Variants in DST observed in about 807,000 individuals in gnomAD.
DST encodes dystonin.
Under a neutral mutation model 875.2 loss-of-function variants are expected in DST, and 253 were observed. That is an observed-to-expected ratio of 0.29 (90% confidence interval 0.26 to 0.32). The LOEUF is 0.32. Ranked by LOEUF, DST falls within the 10% of genes least tolerant of loss-of-function variation. The pLI, the probability that DST is intolerant of heterozygous loss-of-function variation, is 1.00. For synonymous variants in DST, 3,124 were observed against 3,197.1 expected (o/e 0.98, Z 0.77); for missense variants, 8,287 against 9,111.6 (o/e 0.91, Z 3.68).
At chr6:56,611,454 CT>C in intron 38 of DST, 53 bp downstream of exon 38, 6 of 1,298,694 alleles carry the variant, frequency 4.6e-6, no homozygotes, top group Non-Finnish European at 6.7e-6. Flanking sequence ...TTGCTGAAAG[CT>C]TTTAAGAATA....
intron 69 of DST, among the ~76,000 whole-genome samples, chr6:56,523,596 G>A (rs1202530315): frequency 6.6e-6 from 1 of 152,052 alleles, no homozygotes; most frequent in African/African-American, 2.4e-5. Flanking sequence ...ATTTCAAAAA[G>A]CAGGTTGACA....
intron 4 of DST, among the ~76,000 whole-genome samples, chr6:56,801,605 C>T (rs2099746981): frequency 6.6e-6 from 1 of 151,988 alleles, no homozygotes; most frequent in African/African-American, 2.4e-5. Context: ...ACATGGAGAA[C>T]CCAAAGACTC....
intron 2 of DST, among the ~76,000 whole-genome samples, chr6:56,940,191 T>TACACAC (rs59001581): frequency 4.4e-4 from 63 of 142,300 alleles, no homozygotes; most frequent in African/African-American, 5.2e-4. Context: ...ATTACCCCCA[T>TACACAC]ACACACACAC....
chr6:56,835,459 A>T (rs896743088), intron 4 of DST, among the ~76,000 whole-genome samples: 15 of 152,316 alleles, frequency 9.8e-5, no homozygotes, highest in African/African-American at 3.6e-4. Context: ...AAGAGGGAGT[A>T]TATGGGAACT....
chr6:56,466,126 C>T lies in DST; in HGVS notation c.22639G>A (p.Gly7547Arg). ...AAGAACTCATCAAGTGCCATCCATC[C>T]ACCTCCAACACGAACCATCACAGTA... Reference protein sequence around the residue: ...RSTVMVRVGGGWMALDEFLVK... With the variant: ...RSTVMVRVGGRWMALDEFLVK... Residue 7547 changes from glycine to arginine, a missense_variant, in exon 99 of 104, where the codon GGA becomes AGA. Around this residue, in one of 10 missense-constraint regions of DST, gnomAD observed 87 missense variants for 209.7 expected, o/e 0.41. Transcript: ENST00000680361. 1 of 1,613,386 alleles carries T rather than the reference C, an allele frequency of 6.2e-7. No individual in the cohort carries two copies. Among genetic ancestry groups the T allele is most frequent in the Non-Finnish European group, 8.5e-7 (1 of 1,179,690 alleles).
At chr6:56,834,300 G>A (rs2099790871) in intron 4 of DST, among the ~76,000 whole-genome samples, 1 of 151,992 alleles carries the variant, frequency 6.6e-6, no homozygotes, top group Non-Finnish European at 1.5e-5. Flanking sequence ...CAGATGACAA[G>A]CATATAAAAA....
chr6:56,754,756 T>C (rs1447313204), intron 4 of DST, among the ~76,000 whole-genome samples: 1 of 152,188 alleles, frequency 6.6e-6, no homozygotes, highest in Non-Finnish European at 1.5e-5. Flanking sequence ...AATGACTTCA[T>C]GGTTCCAAGA....
intron 36 of DST, chr6:56,616,345 A>T: frequency 6.2e-7 from 1 of 1,613,708 alleles, no homozygotes. Flanking sequence ...CCTTCCACTG[A>T]TATTGCTGCC....
intron 59 of DST, among the ~76,000 whole-genome samples, chr6:56,556,179 C>G (rs568969832): frequency 6.6e-6 from 1 of 152,252 alleles, no homozygotes; most frequent in South Asian, 2.1e-4. Context: ...TTTACCCACT[C>G]ATGTTTTTGT....
chr6:56,619,021 G>C lies in DST; in HGVS notation c.4930-4537C>G, dbSNP rs777611530. ...CTTTCTTGGTATTCTGGATGATAAT[G>C]TTCTGTTGGTCACACTTTTGCTTAA... On this transcript the variant is annotated intron_variant, in intron 36 of 103. Coordinates refer to ENST00000680361, the MANE Select transcript of DST (RefSeq NM_001374736.1). 5 of 1,613,920 alleles carry C rather than the reference G, an allele frequency of 3.1e-6. No individual in the cohort carries two copies. The South Asian group carries it at 5.5e-5, about 18-fold the overall frequency.
At chr6:56,942,941 G>A (rs1817451188) in intron 2 of DST, among the ~76,000 whole-genome samples, 1 of 151,928 alleles carries the variant, frequency 6.6e-6, no homozygotes, top group Admixed American at 6.6e-5. Flanking sequence ...GGCCGGTCTC[G>A]AATTCCTGAG....
intron 3 of DST, among the ~76,000 whole-genome samples, chr6:56,884,179 T>A (rs1161659646): frequency 6.6e-6 from 1 of 152,176 alleles, no homozygotes; most frequent in African/African-American, 2.4e-5. Flanking sequence ...TCTCTTTTTT[T>A]TATATTCGGT....
intron 50 of DST, among the ~76,000 whole-genome samples, chr6:56,574,986 A>T (rs1383992262): frequency 6.6e-6 from 1 of 152,176 alleles, no homozygotes. Context: ...CTAATGCTAC[A>T]ACATGAGAAA....
At chr6:56,516,092 A>ATATATATGTG (rs1389364008) in intron 71 of DST, among the ~76,000 whole-genome samples, 28 of 150,828 alleles carry the variant, frequency 1.9e-4, no homozygotes, top group East Asian at 1.5e-3. Flanking sequence ...ATATGTGTAT[A>ATATATATGTG]TATATGTGTG....
At position 56,603,012 on chromosome 6, in the gene DST, T is replaced by C. The variant is rs767935059; in HGVS notation, c.11177A>G (p.His3726Arg). 7 of 1,579,804 alleles carry C rather than the reference T, an allele frequency of 4.4e-6. No individual in the cohort carries two copies. The highest frequency in any genetic ancestry group is 4.5e-5 in the East Asian group (2 of 44,628). The change falls in exon 43 of 104, where the codon CAT (histidine) becomes CGT (arginine). Residue 3726 changes from histidine (H) to arginine (R), a missense_variant. By Grantham distance (29) the His-to-Arg change is conservative (BLOSUM62 0). Coordinates refer to ENST00000680361, the MANE Select transcript of DST (RefSeq NM_001374736.1). ...CTTAAGTTTATGCAGAAATTCTTCATGGGAAACTGCTAGTTTAGACTAGAA... is the reference window on the plus strand; with the variant it reads ...CTTAAGTTTATGCAGAAATTCTTCACGGGAAACTGCTAGTTTAGACTAGAA... ...DSEMSKLAVS[H>R]EEFLHKLKSF... is the part of the protein sequence containing the mutation.
rs73749936 is a variant in DST at position 56,496,009 on chromosome 6, T to C, written c.20223+1370A>G. 9.9e-3 allele frequency among the ~76,000 whole-genome samples: 1,507 copies of C among 152,270 alleles called. 27 individuals carry two copies. The highest frequency in any genetic ancestry group is 0.034 in the African/African-American group (1,394 of 41,550). On this transcript the variant is annotated intron_variant, in intron 82 of 103. Transcript: ENST00000680361. ...ATATCTCTATTAAAGAGTGTAGATA[T>C]TGATGTACACTGATCTATTTCTTTT...
Position 56,572,120 on chromosome 6 carries a change from C to T in DST, c.13701G>A (p.Met4567Ile), listed in dbSNP as rs1445711960. The T allele has an allele frequency of 5.3e-6, 8 of 1,509,910 alleles. No individual in the cohort carries two copies. The highest frequency in any genetic ancestry group is 1.4e-5 in the South Asian group (1 of 72,960). 93.5% of individuals were successfully genotyped at this position (1,509,910 alleles called of 1,614,324 possible). Residue 4567 changes from methionine to isoleucine, a missense_variant, in exon 53 of 104, where the codon ATG becomes ATA. By Grantham distance (10) the Met-to-Ile change is conservative. Transcript: ENST00000680361. ...TNNLSKKFKE[M>I]EDTIKEKKEA... ...CTTACTTTTCTTTGATGGTATCCTCCATTTCCTTGAATTTCTTTGACAAAT... is the reference window on the plus strand; with the variant it reads ...CTTACTTTTCTTTGATGGTATCCTCTATTTCCTTGAATTTCTTTGACAAAT...
rs571072996 is a variant in DST at position 56,635,820 on chromosome 6, A to G, written c.3061-106T>C. 13 of 1,168,892 alleles carry G rather than the reference A, an allele frequency of 1.1e-5. No homozygotes were observed. The African/African-American group carries it at 2.0e-4, about 18-fold the overall frequency. 72.4% of individuals were successfully genotyped at this position (1,168,892 alleles called of 1,614,324 possible). A position where few individuals can be genotyped will look rare whatever the true frequency, so the allele number is the denominator to read the frequency against. ...CCTATGTGTACCCCTCATAAGTGAG[A>G]AGAGAATAAAAGCACAAGATAGCTT... On this transcript the variant is annotated intron_variant, in intron 23 of 103. Coordinates refer to ENST00000680361, the MANE Select transcript of DST (RefSeq NM_001374736.1).
chr6:56,689,717 A>C (rs1272871604), intron 9 of DST, among the ~76,000 whole-genome samples: 4 of 152,182 alleles, frequency 2.6e-5, no homozygotes, highest in Non-Finnish European at 4.4e-5. Flanking sequence ...GAATAACTGT[A>C]GGTGACATCC....
Sources: gnomAD v4.1 joint callset for allele counts (sites outside exome capture counted in the v4.1 genomes callset) on GRCh38, gnomAD v4.1.1 for gene constraint, gnomAD v4.1.1 regional missense constraint, MANE v1.5 for transcripts, NCBI Gene and HGNC (gene_info 2026-07-23, HGNC 2026-07-21) for gene names.